Variants in DIAPH3 observed in about 807,000 individuals in gnomAD.
DIAPH3 encodes the protein protein diaphanous homolog 3.
DIAPH3 carries 117 observed loss-of-function variants against 144.3 expected under a neutral mutation model. That is an observed-to-expected ratio of 0.81 (90% CI 0.70 to 0.95). DIAPH3 has a LOEUF of 0.95. DIAPH3 is among the 40% of genes least tolerant of loss of function. The pLI is 0.00. For missense variants in DIAPH3, 1,421 were observed against 1,412.7 expected (o/e 1.01, Z -0.09); for synonymous variants, 519 against 488.9 (o/e 1.06, Z -0.81).
At position 59,969,934 on chromosome 13, in the gene DIAPH3, T is replaced by A. The variant is rs773715047; in HGVS notation, c.2074+10A>T. On this transcript the variant is annotated intron_variant, in intron 17 of 27. Transcript: ENST00000400324. ...ATCAAATTAATAAATAATCAAGATG[T>A]TAAACTTACCTTTTTGTTGGCAACA... 4.6e-6 allele frequency: 7 copies of A among 1,535,336 alleles called. No individual in the cohort carries two copies. In the African/African-American group the frequency reaches 9.6e-5, roughly 21 times the overall value.
At chr13:59,814,219 T>C (rs1460343687) in intron 24 of DIAPH3, among the ~76,000 whole-genome samples, 1 of 152,172 alleles carries the variant, frequency 6.6e-6, no homozygotes, top group Non-Finnish European at 1.5e-5. Context: ...TCAGATATAA[T>C]TGCCACACCC....
At chr13:60,100,450 G>A (rs1000897583) in intron 3 of DIAPH3, among the ~76,000 whole-genome samples, 1 of 152,140 alleles carries the variant, frequency 6.6e-6, no homozygotes, top group African/African-American at 2.4e-5. Flanking sequence ...AATGCAAGAT[G>A]TGATCCTGGA....
chr13:59,861,593 C>T (rs2043593714), intron 21 of DIAPH3, 57 bp from the exon 22 acceptor site: 1 of 1,522,912 alleles, frequency 6.6e-7, no homozygotes, highest in Non-Finnish European at 9.1e-7. Flanking sequence ...GATATTCTGT[C>T]TACTTAAATA....
chr13:59,924,975 C>T (rs2047686171), intron 17 of DIAPH3, 105 bp from the exon 18 acceptor site: 2 of 1,470,038 alleles, frequency 1.4e-6, no homozygotes, highest in Admixed American at 2.4e-5. Context: ...GGATGTAACT[C>T]TTCTAAATAA....
chr13:59,936,418 A>G (rs2048262949), intron 17 of DIAPH3, among the ~76,000 whole-genome samples: 1 of 152,172 alleles, frequency 6.6e-6, no homozygotes, highest in African/African-American at 2.4e-5. Context: ...CTCATAACCA[A>G]AGATTTAACT....
chr13:60,095,940 C>A (rs1460166958), intron 3 of DIAPH3, among the ~76,000 whole-genome samples: 1 of 152,152 alleles, frequency 6.6e-6, no homozygotes, highest in Non-Finnish European at 1.5e-5. Flanking sequence ...ATCTACCAAT[C>A]TACAATGCCA....
At position 59,675,105 on chromosome 13, in the gene DIAPH3, G is replaced by A. The variant is rs1593552553; in HGVS notation, c.3320-8259C>T. 4.6e-5 allele frequency among the ~76,000 whole-genome samples: 7 copies of A among 152,182 alleles called. No homozygotes were observed. The South Asian group carries it at 1.5e-3, about 32-fold the overall frequency. On this transcript the variant is annotated intron_variant, in intron 27 of 27. Coordinates refer to ENST00000400324, the MANE Select transcript of DIAPH3 (RefSeq NM_001042517.2). ...GAGACAGGGTCTTGCTCTGTCGCTTGCTCAGGCTGGAATGCGATGGTGCCA... is the reference window on the plus strand; with the variant it reads ...GAGACAGGGTCTTGCTCTGTCGCTTACTCAGGCTGGAATGCGATGGTGCCA...
intron 20 of DIAPH3, among the ~76,000 whole-genome samples, chr13:59,891,269 C>T (rs906920768): frequency 2.0e-5 from 3 of 151,934 alleles, no homozygotes; most frequent in African/African-American, 7.3e-5. Context: ...ATGCTTTAGG[C>T]TGTATTTCAA....
chr13:59,732,567 A>G (rs1335006573), intron 27 of DIAPH3, among the ~76,000 whole-genome samples: 1 of 151,328 alleles, frequency 6.6e-6, no homozygotes, highest in Non-Finnish European at 1.5e-5. Context: ...TCAGCCTCTC[A>G]TGTAGCTGGG....
chr13:59,976,262 G>A (rs1275694455), intron 14 of DIAPH3, among the ~76,000 whole-genome samples: 1 of 151,884 alleles, frequency 6.6e-6, no homozygotes, highest in African/African-American at 2.4e-5. Flanking sequence ...AATTCCAGAA[G>A]TCCAAATTCC....
At chr13:60,112,277 T>C in intron 2 of DIAPH3, 91 bp from the exon 3 acceptor site, 1 of 1,425,698 alleles carries the variant, frequency 7.0e-7, no homozygotes. Context: ...AGAGGGCCAA[T>C]CGTGTTATCA....
At chr13:59,742,552 T>C (rs2036509268) in intron 27 of DIAPH3, among the ~76,000 whole-genome samples, 1 of 79,014 alleles carries the variant, frequency 1.3e-5, no homozygotes, top group Non-Finnish European at 2.5e-5. Flanking sequence ...TAAGCATGGA[T>C]GCTGCTAAAA....
At chr13:60,155,069 A>G (rs1951957670) in intron 1 of DIAPH3, among the ~76,000 whole-genome samples, 1 of 152,200 alleles carries the variant, frequency 6.6e-6, no homozygotes, top group African/African-American at 2.4e-5. Context: ...TTACGCCATA[A>G]AGTAGAGTTA....
At chr13:59,825,414 A>T (rs1477385729) in intron 24 of DIAPH3, among the ~76,000 whole-genome samples, 1 of 151,986 alleles carries the variant, frequency 6.6e-6, no homozygotes, top group Non-Finnish European at 1.5e-5. Context: ...TATGTGCCAC[A>T]TTTTCTTAAT....
intron 7 of DIAPH3, chr13:60,013,212 C>G (rs1180185689): frequency 2.0e-6 from 2 of 985,246 alleles, no homozygotes; most frequent in African/African-American, 3.5e-5. Context: ...CAGGTTCCGC[C>G]TGCATTCCAC....
At chr13:59,728,189 G>C (rs2035700379) in intron 27 of DIAPH3, among the ~76,000 whole-genome samples, 1 of 151,874 alleles carries the variant, frequency 6.6e-6, no homozygotes, top group African/African-American at 2.4e-5. Context: ...ATCTGGTAAG[G>C]CTAGACACCC....
At chr13:59,871,416 T>G (rs1375802487) in intron 21 of DIAPH3, among the ~76,000 whole-genome samples, 1 of 152,308 alleles carries the variant, frequency 6.6e-6, no homozygotes, top group Admixed American at 6.5e-5. Flanking sequence ...TTAAGTATGA[T>G]GCTAGCTGTC....
At chr13:59,972,157 A>T (rs2050423010) in intron 15 of DIAPH3, among the ~76,000 whole-genome samples, 1 of 152,196 alleles carries the variant, frequency 6.6e-6, no homozygotes, top group Non-Finnish European at 1.5e-5. Flanking sequence ...ATGAAAGACA[A>T]GAAGAGAAAA....
At chr13:60,154,767 T>C (rs1323502815) in intron 1 of DIAPH3, among the ~76,000 whole-genome samples, 1 of 152,218 alleles carries the variant, frequency 6.6e-6, no homozygotes, top group African/African-American at 2.4e-5. Flanking sequence ...TAAAAGGTTA[T>C]GCTTAATCTA....
Sources: allele counts gnomAD v4.1 joint callset (sites outside exome capture counted in the v4.1 genomes callset), GRCh38; gene constraint gnomAD v4.1.1; transcripts MANE v1.5; gene names NCBI Gene and HGNC (gene_info 2026-07-23, HGNC 2026-07-21).